KCNIP4: variants seen among roughly 807,000 people sequenced by gnomAD.
KCNIP4 encodes the protein potassium voltage-gated channel interacting protein 4.
A neutral mutation model predicts 34.0 loss-of-function variants in KCNIP4; 12 were observed. The observed-to-expected ratio is 0.35, with a 90% CI of 0.23 to 0.57. KCNIP4 has a LOEUF of 0.57. KCNIP4 is among the 20% of genes least tolerant of loss of function. The probability of loss-of-function intolerance (pLI) is 0.83; values close to 1 mark genes in which losing one functional copy is unlikely to be tolerated. For missense variants in KCNIP4, 238 were observed against 311.7 expected (o/e 0.76, Z 1.78); for synonymous variants, 124 against 102.2 (o/e 1.21, Z -1.29).
chr4:21,626,439 G>A (rs1745329094), intron 1 of KCNIP4, among the ~76,000 whole-genome samples: 1 of 151,584 alleles, frequency 6.6e-6, no homozygotes, highest in Non-Finnish European at 1.5e-5. Flanking sequence ...TGAGCACACA[G>A]CAAGATGGCA....
intron 1 of KCNIP4, among the ~76,000 whole-genome samples, chr4:21,936,077 A>G (rs116523713): frequency 0.01 from 1,579 of 151,978 alleles, 25 homozygotes; most frequent in African/African-American, 0.036. Flanking sequence ...TTCTTTTACG[A>G]AGTATATAAA....
chr4:21,336,700 C>A (rs188134748), intron 1 of KCNIP4, among the ~76,000 whole-genome samples: 2 of 152,120 alleles, frequency 1.3e-5, no homozygotes, highest in East Asian at 3.9e-4. Context: ...TCACTCCTGC[C>A]GTCTGTGAAA....
intron 1 of KCNIP4, among the ~76,000 whole-genome samples, chr4:20,950,803 C>T (rs751906375): frequency 1.4e-4 from 22 of 152,142 alleles, no homozygotes; most frequent in Non-Finnish European, 2.4e-4. Context: ...CAATTTGATG[C>T]TGAAATGGTC....
intron 1 of KCNIP4, among the ~76,000 whole-genome samples, chr4:21,298,524 C>T (rs1485301153): frequency 6.6e-6 from 1 of 152,048 alleles, no homozygotes; most frequent in Non-Finnish European, 1.5e-5. Context: ...CTCCTTTCTC[C>T]AATCACCAGC....
chr4:21,121,056 G>A (rs1468156838), intron 1 of KCNIP4, among the ~76,000 whole-genome samples: 2 of 152,136 alleles, frequency 1.3e-5, no homozygotes, highest in Non-Finnish European at 2.9e-5. Context: ...CTAGCTTCTC[G>A]AAGAATACAT....
intron 3 of KCNIP4, among the ~76,000 whole-genome samples, chr4:20,784,925 T>G (rs1711745771): frequency 6.6e-6 from 1 of 152,174 alleles, no homozygotes; most frequent in South Asian, 2.1e-4. Context: ...GGAGAGATTT[T>G]GAAATAAGGG....
At chr4:21,439,516 G>C (rs1344626120) in intron 1 of KCNIP4, among the ~76,000 whole-genome samples, 1 of 152,182 alleles carries the variant, frequency 6.6e-6, no homozygotes. Flanking sequence ...CAGAGGCTGT[G>C]AAATGTACAC....
chr4:21,291,354 A>C (rs1042222026), intron 1 of KCNIP4, among the ~76,000 whole-genome samples: 2 of 128,904 alleles, frequency 1.6e-5, no homozygotes, highest in Non-Finnish European at 3.4e-5. Flanking sequence ...ATGTTTATAC[A>C]AACATTTGTG....
chr4:20,874,334 A>T (rs1473571018), intron 2 of KCNIP4, among the ~76,000 whole-genome samples: 4 of 152,180 alleles, frequency 2.6e-5, no homozygotes, highest in Non-Finnish European at 5.9e-5. Context: ...CTCTCACAGC[A>T]TTCACAGCAC....
chr4:21,075,353 T>C (rs1169440291), intron 1 of KCNIP4, among the ~76,000 whole-genome samples: 2 of 152,212 alleles, frequency 1.3e-5, no homozygotes, highest in African/African-American at 4.8e-5. Flanking sequence ...TTAAGATAGT[T>C]AGCTCTTCTT....
At chr4:21,801,182 A>G (rs1720969999) in intron 1 of KCNIP4, among the ~76,000 whole-genome samples, 2 of 152,222 alleles carry the variant, frequency 1.3e-5, no homozygotes, top group African/African-American at 2.4e-5. Context: ...CTTCATGTCC[A>G]AAGCACTTTT....
chr4:21,840,105 T>C (rs893549138), intron 1 of KCNIP4, among the ~76,000 whole-genome samples: 1 of 151,258 alleles, frequency 6.6e-6, no homozygotes, highest in Non-Finnish European at 1.5e-5. Context: ...ACCGCGGAGG[T>C]AAGTTCATTA....
intron 1 of KCNIP4, among the ~76,000 whole-genome samples, chr4:21,766,238 T>C (rs2109180561): frequency 6.6e-6 from 1 of 152,330 alleles, no homozygotes; most frequent in South Asian, 2.1e-4. Flanking sequence ...TAGGCCATCC[T>C]ATTTTCCATA....
intron 1 of KCNIP4, among the ~76,000 whole-genome samples, chr4:21,477,767 G>A (rs561997965): frequency 3.0e-4 from 45 of 152,268 alleles, no homozygotes; most frequent in African/African-American, 1.0e-3. Context: ...CTAATTCTCT[G>A]CAAAAGCAAG....
intron 1 of KCNIP4, among the ~76,000 whole-genome samples, chr4:21,778,268 T>G (rs1719328517): frequency 6.9e-6 from 1 of 144,682 alleles, no homozygotes; most frequent in African/African-American, 2.6e-5. Flanking sequence ...AGGGTTTCAC[T>G]CTTTCGCCCA....
chr4:21,828,060 C>A (rs1310242524), intron 1 of KCNIP4, among the ~76,000 whole-genome samples: 1 of 149,868 alleles, frequency 6.7e-6, no homozygotes, highest in African/African-American at 2.4e-5. Flanking sequence ...AAATACTTCA[C>A]TTCTTAGAAT....
At chr4:21,582,027 A>AGAATAGAATAGAATGGAATG (rs1741247929) in intron 1 of KCNIP4, 4 of 113,172 alleles carry the variant, frequency 3.5e-5, no homozygotes, top group South Asian at 3.3e-4. Context: ...AGAATAGAAT[A>AGAATAGAATAGAATGGAATG]GAATGGAATG....
At chr4:20,821,631 C>G (rs12651005) in intron 3 of KCNIP4, among the ~76,000 whole-genome samples, 11,313 of 152,072 alleles carry the variant, frequency 0.074, 563 homozygotes, top group South Asian at 0.14. Flanking sequence ...TCTCTCACCC[C>G]CTCCCACCCT....
chr4:21,580,575 ACT>A (rs1741130656), intron 1 of KCNIP4, among the ~76,000 whole-genome samples: 1 of 152,100 alleles, frequency 6.6e-6, no homozygotes, highest in Admixed American at 6.6e-5. Flanking sequence ...TGGAGAAAAC[ACT>A]CTCCTTTATG....
Sources: gnomAD v4.1 joint callset for allele counts (sites outside exome capture counted in the v4.1 genomes callset) on GRCh38, gnomAD v4.1.1 for gene constraint, MANE v1.5 for transcripts, NCBI Gene and HGNC (gene_info 2026-07-23, HGNC 2026-07-21) for gene names.